Variants in TMEM178B observed in about 807,000 individuals in gnomAD.
The protein encoded by TMEM178B is transmembrane protein 178B.
TMEM178B carries 5 observed loss-of-function variants against 31.0 expected under a neutral mutation model. The observed-to-expected ratio is 0.16, with a 90% CI of 0.08 to 0.34. The LOEUF (loss-of-function observed/expected upper bound fraction) is 0.34, where lower values mean the gene tolerates loss of function less well. Ranked by LOEUF, TMEM178B falls within the 10% of genes least tolerant of loss-of-function variation. The pLI, the probability that TMEM178B is intolerant of heterozygous loss-of-function variation, is 1.00. For synonymous variants in TMEM178B, 164 were observed against 164.0 expected (o/e 1.00, Z 0.00); for missense variants, 275 against 400.3 (o/e 0.69, Z 2.67).
At chr7:141,080,058 T>G (rs1258508753) in intron 1 of TMEM178B, among the ~76,000 whole-genome samples, 1 of 152,210 alleles carries the variant, frequency 6.6e-6, no homozygotes, top group Non-Finnish European at 1.5e-5. Context: ...AAGGAAATAA[T>G]ACTCTTGGAA....
intron 2 of TMEM178B, among the ~76,000 whole-genome samples, chr7:141,267,078 T>C (rs1179736972): frequency 6.6e-6 from 1 of 152,174 alleles, no homozygotes; most frequent in East Asian, 1.9e-4. Flanking sequence ...GAGGTGAGTA[T>C]GGAGCAGGAT....
intron 1 of TMEM178B, among the ~76,000 whole-genome samples, chr7:141,091,142 A>G (rs1426056706): frequency 6.6e-6 from 1 of 152,220 alleles, no homozygotes; most frequent in Non-Finnish European, 1.5e-5. Context: ...GTTAAGCTGG[A>G]AAATGATTTC....
the TMEM178B span, among the ~76,000 whole-genome samples, chr7:141,485,882 C>T: frequency 6.6e-6 from 1 of 152,326 alleles, no homozygotes; most frequent in African/African-American, 2.4e-5. Flanking sequence ...ACTCCCTCTA[C>T]ATTCACAATG....
rs575558740 is a variant in TMEM178B at position 141,097,330 on chromosome 7, C to T, written c.382+22638C>T. Among the ~76,000 whole-genome samples the T allele has an allele frequency of 1.1e-4, 14 of 127,810 alleles. No homozygotes were observed. In the East Asian group the frequency reaches 3.1e-3, roughly 28 times the overall value. The allele number at this position is 127,810 out of a possible 152,430, so 83.8% of individuals were successfully genotyped here. ...GCAGTGAGCCGAGATAGCACCACTG[C>T]AGTCCGGCCTGGGCGAAAGAGTGAG... is the stretch of plus-strand genomic sequence containing the variant. On this transcript the variant is annotated intron_variant, in intron 1 of 3. Transcript: ENST00000565468.
At chr7:141,196,432 A>C (rs1038008351) in intron 1 of TMEM178B, among the ~76,000 whole-genome samples, 1 of 152,222 alleles carries the variant, frequency 6.6e-6, no homozygotes, top group African/African-American at 2.4e-5. Flanking sequence ...CTTGTATTCT[A>C]AATAACAGTG....
At chr7:141,426,100 G>C (rs775642876) in intron 2 of TMEM178B, among the ~76,000 whole-genome samples, 2 of 152,176 alleles carry the variant, frequency 1.3e-5, no homozygotes, top group African/African-American at 4.8e-5. Context: ...GTTAATGCTG[G>C]CTTTAAAAAA....
rs73514339 is a variant in TMEM178B at position 141,463,742 on chromosome 7, A to G, written c.635-6794A>G. Among the ~76,000 whole-genome samples, 1,252 of 152,348 alleles carry G rather than the reference A, an allele frequency of 8.2e-3. 14 individuals are homozygous for G. The highest frequency in any genetic ancestry group is 0.028 in the African/African-American group (1,174 of 41,578). ...CCAGTGCAAACAAAGGCCCTGAGGT[A>G]GGGCAACCTTCACTGGCTTGAGACA... is the stretch of plus-strand genomic sequence containing the variant. On this transcript the variant is annotated intron_variant, in intron 3 of 3. Coordinates refer to ENST00000565468, the MANE Select transcript of TMEM178B (RefSeq NM_001195278.2).
At chr7:141,510,319 A>G in the TMEM178B span, among the ~76,000 whole-genome samples, 3 of 152,174 alleles carry the variant, frequency 2.0e-5, no homozygotes, top group Admixed American at 1.3e-4. Context: ...ATTAGAGTAA[A>G]GGAAGGGCCA....
intron 2 of TMEM178B, among the ~76,000 whole-genome samples, chr7:141,273,081 G>A (rs1798210968): frequency 6.6e-6 from 1 of 152,196 alleles, no homozygotes; most frequent in African/African-American, 2.4e-5. Context: ...GCAACAACAT[G>A]TATAAACGTG....
intron 2 of TMEM178B, 175 bp downstream of exon 2, chr7:141,212,879 T>A: frequency 1.9e-6 from 1 of 536,682 alleles, no homozygotes; most frequent in South Asian, 3.3e-5. Flanking sequence ...TTTGATTGCA[T>A]TATAAATTTG....
chr7:141,493,944 T>C, the TMEM178B span, among the ~76,000 whole-genome samples: 1 of 152,224 alleles, frequency 6.6e-6, no homozygotes, highest in Admixed American at 6.5e-5. Context: ...AACCTATGTA[T>C]GCATCCATTA....
At chr7:141,312,720 G>A (rs1798933995) in intron 2 of TMEM178B, among the ~76,000 whole-genome samples, 1 of 152,124 alleles carries the variant, frequency 6.6e-6, no homozygotes, top group Non-Finnish European at 1.5e-5. Flanking sequence ...GATCATGTAG[G>A]GCAACAACTA....
chr7:141,085,040 C>G lies in TMEM178B; in HGVS notation c.382+10348C>G, dbSNP rs376878432. Among the ~76,000 whole-genome samples the G allele has an allele frequency of 3.3e-5, 5 of 151,922 alleles. No homozygotes were observed. The East Asian group carries it at 9.7e-4, about 29-fold the overall frequency. On this transcript the variant is annotated intron_variant, in intron 1 of 3. Transcript: ENST00000565468. ...ATTACAGGTGCGCACTGCCACATCACGATCTCAGCTCACTGCAGTCTCTGC... is the reference window on the plus strand; with the variant it reads ...ATTACAGGTGCGCACTGCCACATCAGGATCTCAGCTCACTGCAGTCTCTGC...
chr7:141,385,297 C>G (rs898615964), intron 2 of TMEM178B, among the ~76,000 whole-genome samples: 2 of 152,318 alleles, frequency 1.3e-5, no homozygotes, highest in African/African-American at 4.8e-5. Flanking sequence ...TAACCGTTAA[C>G]AGGGAACCAG....
At position 141,278,546 on chromosome 7, in the gene TMEM178B, G is replaced by A. The variant is rs1230313159; in HGVS notation, c.496+65842G>A. Reference sequence around the variant, plus strand: ...TGTAGCGAGCCAAGATTGTGCCATGGCACCCAGATTGGGTGACAGAGCGAG... The same window carrying A: ...TGTAGCGAGCCAAGATTGTGCCATGACACCCAGATTGGGTGACAGAGCGAG... On this transcript the variant is annotated intron_variant, in intron 2 of 3. Transcript: ENST00000565468. Among the ~76,000 whole-genome samples, 4 of 64,256 alleles carry A rather than the reference G, an allele frequency of 6.2e-5. No individual in the cohort carries two copies. The East Asian group carries it at 0.032, about 518-fold the overall frequency. The allele number at this position is 64,256 out of a possible 152,430, so 42.2% of individuals were successfully genotyped here.
intron 2 of TMEM178B, chr7:141,429,910 A>C (rs752639081): frequency 1.3e-5 from 2 of 152,228 alleles, no homozygotes; most frequent in Non-Finnish European, 2.9e-5. Flanking sequence ...AAAACCTCCC[A>C]TTATGGAATT....
chr7:141,324,647 T>G (rs767901239), intron 2 of TMEM178B, among the ~76,000 whole-genome samples: 1 of 151,922 alleles, frequency 6.6e-6, no homozygotes, highest in Non-Finnish European at 1.5e-5. Flanking sequence ...GCCTCCCGGT[T>G]TTGAGAAATG....
intron 2 of TMEM178B, among the ~76,000 whole-genome samples, chr7:141,397,988 C>T (rs943344036): frequency 1.3e-5 from 2 of 152,130 alleles, no homozygotes; most frequent in Non-Finnish European, 2.9e-5. Context: ...TCCAACTCAG[C>T]TATACCAGGC....
At chr7:141,425,534 G>T (rs527911105) in intron 2 of TMEM178B, among the ~76,000 whole-genome samples, 1 of 152,208 alleles carries the variant, frequency 6.6e-6, no homozygotes, top group Non-Finnish European at 1.5e-5. Flanking sequence ...TGGCTGAGCT[G>T]CAGTTTCCTT....
Sources: gnomAD v4.1 joint callset for allele counts (sites outside exome capture counted in the v4.1 genomes callset) on GRCh38, gnomAD v4.1.1 for gene constraint, MANE v1.5 for transcripts, NCBI Gene and HGNC (gene_info 2026-07-23, HGNC 2026-07-21) for gene names.